CSMD1: variants seen among roughly 807,000 people sequenced by gnomAD.
CSMD1 encodes the protein CUB and Sushi multiple domains 1.
Under a neutral mutation model 417.5 loss-of-function variants are expected in CSMD1, and 213 were observed. That is an observed-to-expected ratio of 0.51 (90% CI 0.46 to 0.57). The LOEUF (loss-of-function observed/expected upper bound fraction) is 0.57. CSMD1 is among the 20% of genes least tolerant of loss of function. CSMD1 has a pLI of 0.00. For synonymous variants in CSMD1, 2,862 were observed against 1,736.8 expected (o/e 1.65, Z -16.11); for missense variants, 6,923 against 4,529.7 (o/e 1.53, Z -15.17).
intron 54 of CSMD1, among the ~76,000 whole-genome samples, chr8:2,989,194 C>CT (rs921665076): frequency 1.4e-4 from 21 of 152,126 alleles, no homozygotes; most frequent in African/African-American, 5.1e-4. Context: ...TGTTCAGCTG[C>CT]TTTTTTTTAA....
chr8:4,010,312 C>T (rs1585126721), intron 4 of CSMD1, among the ~76,000 whole-genome samples: 2 of 152,134 alleles, frequency 1.3e-5, no homozygotes, highest in Non-Finnish European at 2.9e-5. Context: ...GCACCCTCTG[C>T]CTTGTAGTCA....
intron 49 of CSMD1, among the ~76,000 whole-genome samples, chr8:3,074,062 G>A (rs146331186): frequency 1.2e-4 from 19 of 152,330 alleles, no homozygotes; most frequent in African/African-American, 3.8e-4. Context: ...ACCTGGAGGC[G>A]CGGGAAGAAT....
intron 3 of CSMD1, among the ~76,000 whole-genome samples, chr8:4,348,886 T>C (rs1200455518): frequency 2.0e-5 from 3 of 152,198 alleles, no homozygotes; most frequent in Admixed American, 1.3e-4. Flanking sequence ...GTTGCTCTGA[T>C]TGAGTCATAA....
At chr8:4,025,869 G>A (rs183828316) in intron 4 of CSMD1, among the ~76,000 whole-genome samples, 3 of 151,924 alleles carry the variant, frequency 2.0e-5, no homozygotes, top group African/African-American at 4.8e-5. Flanking sequence ...TTTCTTTAAA[G>A]AACATCACGG....
chr8:3,021,449 C>T (rs769956323), intron 51 of CSMD1, among the ~76,000 whole-genome samples: 1 of 152,280 alleles, frequency 6.6e-6, no homozygotes, highest in Non-Finnish European at 1.5e-5. Flanking sequence ...TGTCATACAC[C>T]GAAGGGAAAG....
At chr8:3,400,056 T>C (rs1211446535) in intron 15 of CSMD1, among the ~76,000 whole-genome samples, 2 of 152,184 alleles carry the variant, frequency 1.3e-5, no homozygotes, top group African/African-American at 4.8e-5. Context: ...CAATCAAATT[T>C]GATAAGTGTA....
intron 1 of CSMD1, among the ~76,000 whole-genome samples, chr8:4,957,609 G>GA (rs1187752194): frequency 1.3e-5 from 2 of 151,924 alleles, no homozygotes; most frequent in East Asian, 3.9e-4. Flanking sequence ...TCATATGAAA[G>GA]AAAAAAATGC....
chr8:4,866,409 G>T (rs1394377326), intron 1 of CSMD1, among the ~76,000 whole-genome samples: 1 of 151,808 alleles, frequency 6.6e-6, no homozygotes, highest in Non-Finnish European at 1.5e-5. Context: ...CTCTCTAATT[G>T]TTTCTCTAAG....
At chr8:3,897,380 G>A (rs971753496) in intron 5 of CSMD1, among the ~76,000 whole-genome samples, 3 of 152,116 alleles carry the variant, frequency 2.0e-5, no homozygotes, top group African/African-American at 7.2e-5. Flanking sequence ...ATTTGAATAC[G>A]TGTGGGCCAA....
At chr8:4,119,673 A>G (rs1802369443) in intron 3 of CSMD1, among the ~76,000 whole-genome samples, 1 of 152,206 alleles carries the variant, frequency 6.6e-6, no homozygotes, top group Non-Finnish European at 1.5e-5. Flanking sequence ...CTTGCAAGCC[A>G]GGAAGAGAGT....
chr8:4,848,069 T>C (rs544223044), intron 1 of CSMD1, among the ~76,000 whole-genome samples: 6 of 152,308 alleles, frequency 3.9e-5, no homozygotes, highest in Middle Eastern at 3.4e-3. Flanking sequence ...AATGGAGTCA[T>C]AGACATGCTG....
chr8:4,057,011 T>C (rs1419677789), intron 3 of CSMD1, among the ~76,000 whole-genome samples: 1 of 152,210 alleles, frequency 6.6e-6, no homozygotes, highest in African/African-American at 2.4e-5. Context: ...TGCATGTGTC[T>C]TTATAGCAGC....
intron 3 of CSMD1, among the ~76,000 whole-genome samples, chr8:4,243,282 G>C (rs1047689526): frequency 6.6e-6 from 1 of 152,078 alleles, no homozygotes; most frequent in South Asian, 2.1e-4. Context: ...TCATGAACTA[G>C]GTCTGAATTT....
chr8:3,527,629 G>A (rs1457260191), intron 10 of CSMD1, among the ~76,000 whole-genome samples: 1 of 152,066 alleles, frequency 6.6e-6, no homozygotes, highest in African/African-American at 2.4e-5. Flanking sequence ...CATGAATCTG[G>A]TGAAATCTCA....
intron 1 of CSMD1, among the ~76,000 whole-genome samples, chr8:4,731,822 T>C (rs1305881005): frequency 4.6e-5 from 7 of 152,122 alleles, no homozygotes; most frequent in Admixed American, 4.6e-4. Context: ...ACTCACAGTG[T>C]TTTTCTTATT....
intron 3 of CSMD1, among the ~76,000 whole-genome samples, chr8:4,282,709 T>C (rs962046048): frequency 6.6e-6 from 1 of 152,212 alleles, no homozygotes; most frequent in African/African-American, 2.4e-5. Flanking sequence ...TAACAACTCA[T>C]TTATAATCGG....
chr8:4,260,597 C>T lies in CSMD1; in HGVS notation c.415+159356G>A, dbSNP rs77321831. On this transcript the variant is annotated intron_variant, in intron 3 of 69. Transcript: ENST00000635120. Reference sequence around the variant, plus strand: ...AAGTTTGTAATATTGTTTCTGAAAACACATATTTGTGGTTTTTAGAATTTT... The same window carrying T: ...AAGTTTGTAATATTGTTTCTGAAAATACATATTTGTGGTTTTTAGAATTTT... 9.5e-3 allele frequency among the ~76,000 whole-genome samples: 1,448 copies of T among 152,222 alleles called. 21 individuals are homozygous for T. The highest frequency in any genetic ancestry group is 0.033 in the African/African-American group (1,359 of 41,544).
At chr8:4,160,723 C>T (rs1034802138) in intron 3 of CSMD1, among the ~76,000 whole-genome samples, 29 of 152,174 alleles carry the variant, frequency 1.9e-4, no homozygotes, top group African/African-American at 6.5e-4. Flanking sequence ...TGGCAAGTTG[C>T]AATTATTTTC....
At chr8:3,809,403 T>A (rs748034117) in intron 5 of CSMD1, among the ~76,000 whole-genome samples, 2 of 152,248 alleles carry the variant, frequency 1.3e-5, no homozygotes, top group Non-Finnish European at 2.9e-5. Flanking sequence ...AATTAGGGAC[T>A]GTAAACCTTT....
Sources: gnomAD v4.1 joint callset for allele counts (sites outside exome capture counted in the v4.1 genomes callset) on GRCh38, gnomAD v4.1.1 for gene constraint, MANE v1.5 for transcripts, NCBI Gene and HGNC (gene_info 2026-07-23, HGNC 2026-07-21) for gene names.